Variants in FAR1 observed in about 807,000 individuals in gnomAD.
FAR1 encodes male sterility domain-containing protein 2.
FAR1 carries 22 observed loss-of-function variants against 61.1 expected under a neutral mutation model. That is an observed-to-expected ratio of 0.36 (90% CI 0.26 to 0.51). The LOEUF (loss-of-function observed/expected upper bound fraction) is 0.51. FAR1 is among the 20% of genes least tolerant of loss of function. The pLI is 0.95. For missense variants in FAR1, 359 were observed against 626.9 expected (o/e 0.57, Z 4.56); for synonymous variants, 206 against 209.7 (o/e 0.98, Z 0.15).
rs1245140292 is a variant in FAR1 at position 13,714,510 on chromosome 11, G to A, written c.957G>A (p.Glu319=). The change falls in exon 9 of 12, where the codon GAG becomes GAA. Residue 319 remains glutamate, a splice_region_variant and synonymous_variant. Coordinates refer to ENST00000354817, the MANE Select transcript of FAR1 (RefSeq NM_032228.6). The part of the protein sequence containing the change: ...STNPFHWGEV[E]YHVISTFKRN... Reference sequence around the variant, plus strand: ...TGTTACACAACTTTTCTTCTTCAGAGTACCATGTAATTTCCACTTTCAAGA... The same window carrying A: ...TGTTACACAACTTTTCTTCTTCAGAATACCATGTAATTTCCACTTTCAAGA... 6.2e-7 allele frequency: 1 copy of A among 1,607,684 alleles called. No homozygotes were observed. The highest frequency in any genetic ancestry group is 1.1e-5 in the South Asian group (1 of 90,168).
At chr11:13,694,252 C>CGTAGTAGAAA (rs1429466169) in intron 1 of FAR1, among the ~76,000 whole-genome samples, 16 of 152,058 alleles carry the variant, frequency 1.1e-4, no homozygotes, top group Non-Finnish European at 5.9e-5. Flanking sequence ...CTAAGAGACA[C>CGTAGTAGAAA]GTAGTAGAAA....
chr11:13,713,182 A>G (rs754929978), intron 8 of FAR1, 149 bp downstream of exon 8: 22 of 704,604 alleles, frequency 3.1e-5, no homozygotes, highest in African/African-American at 1.1e-4. Context: ...TTATCTACCA[A>G]TACTACCTTG....
chr11:13,726,850 A>AT (rs568487891), intron 10 of FAR1, among the ~76,000 whole-genome samples: 4 of 151,116 alleles, frequency 2.6e-5, no homozygotes, highest in Admixed American at 6.6e-5. Context: ...ATTTTACTGA[A>AT]TTTTTTATAG....
intron 1 of FAR1, among the ~76,000 whole-genome samples, chr11:13,684,928 C>T (rs1296761793): frequency 1.3e-5 from 2 of 152,070 alleles, no homozygotes; most frequent in African/African-American, 2.4e-5. Context: ...TAGTCTTAAG[C>T]AAGACCGCAA....
intron 11 of FAR1, 52 bp from the exon 12 acceptor site, chr11:13,728,560 A>G (rs1848689839): frequency 2.0e-6 from 3 of 1,513,518 alleles, no homozygotes; most frequent in African/African-American, 1.4e-5. Flanking sequence ...CCATCTAACA[A>G]TATTTTTTTC....
At chr11:13,678,893 G>T (rs183596311) in intron 1 of FAR1, among the ~76,000 whole-genome samples, 6 of 152,204 alleles carry the variant, frequency 3.9e-5, no homozygotes, top group Admixed American at 3.3e-4. Context: ...GATTCAGAAG[G>T]CAGCCATAAG....
intron 3 of FAR1, among the ~76,000 whole-genome samples, chr11:13,706,885 A>G (rs988190971): frequency 2.0e-5 from 3 of 152,106 alleles, no homozygotes; most frequent in Non-Finnish European, 4.4e-5. Flanking sequence ...GGTAGGTTTC[A>G]TTATTGTTCC....
In FAR1 at chr11:13,732,265, A is replaced by G. The variant is rs1041187589; in HGVS notation, c.*3491A>G. 2.0e-5 allele frequency: 3 copies of G among 152,176 alleles called. No individual in the cohort carries two copies. Among genetic ancestry groups the G allele is most frequent in the African/African-American group, 4.8e-5 (2 of 41,442 alleles). 9.4% of individuals were successfully genotyped at this position (152,176 alleles called of 1,614,324 possible). A position where few individuals can be genotyped will look rare whatever the true frequency, so the allele number is the denominator to read the frequency against. On this transcript the variant is annotated 3_prime_UTR_variant, in exon 12 of 12. Coordinates refer to ENST00000354817, the MANE Select transcript of FAR1 (RefSeq NM_032228.6). ...TTGCTATCCTTAAGATCCTAAACAA[A>G]TCATCTTTGTCAGTTAAGTATAGTT...
intron 4 of FAR1, among the ~76,000 whole-genome samples, chr11:13,709,298 A>C (rs1848473205): frequency 6.6e-6 from 1 of 152,144 alleles, no homozygotes; most frequent in Admixed American, 6.5e-5. Flanking sequence ...TAATTCCCTA[A>C]TTTCTATTTT....
intron 1 of FAR1, among the ~76,000 whole-genome samples, chr11:13,686,077 C>T (rs576541429): frequency 6.6e-6 from 1 of 152,286 alleles, no homozygotes; most frequent in Admixed American, 6.5e-5. Flanking sequence ...CTTTATGTGC[C>T]TTCTCTAAAA....
rs1350651629 is a variant in FAR1 at position 13,728,960 on chromosome 11, T to G, written c.*186T>G. 1 of 527,700 alleles carries G rather than the reference T, an allele frequency of 1.9e-6. No individual in the cohort carries two copies. Among genetic ancestry groups the G allele is most frequent in the Non-Finnish European group, 3.3e-6 (1 of 304,232 alleles). The allele number at this position is 527,700 out of a possible 1,614,324, so 32.7% of individuals were successfully genotyped here. ...TGCTCATAAAACTTAGTGAACACAC[T>G]GTGTTATGCCAGCTCAAATCTACAG... is the stretch of plus-strand genomic sequence containing the variant. On this transcript the variant is annotated 3_prime_UTR_variant, in exon 12 of 12. Coordinates refer to ENST00000354817, the MANE Select transcript of FAR1 (RefSeq NM_032228.6).
At chr11:13,691,236 A>G (rs1243543241) in intron 1 of FAR1, among the ~76,000 whole-genome samples, 1 of 152,232 alleles carries the variant, frequency 6.6e-6, no homozygotes, top group Non-Finnish European at 1.5e-5. Context: ...GAAAAGCAAG[A>G]GAGCAAACTA....
chr11:13,677,831 A>G (rs1211455581), intron 1 of FAR1, among the ~76,000 whole-genome samples: 1 of 152,256 alleles, frequency 6.6e-6, no homozygotes, highest in Non-Finnish European at 1.5e-5. Flanking sequence ...TCCTAATTGA[A>G]TCACAAAAAA....
At chr11:13,671,844 C>G (rs1402237991) in intron 1 of FAR1, among the ~76,000 whole-genome samples, 4 of 152,022 alleles carry the variant, frequency 2.6e-5, no homozygotes, top group Non-Finnish European at 5.9e-5. Flanking sequence ...GCTGGGTGTT[C>G]AATATTGACA....
At chr11:13,692,630 A>G (rs2134178385) in intron 1 of FAR1, among the ~76,000 whole-genome samples, 1 of 152,326 alleles carries the variant, frequency 6.6e-6, no homozygotes, top group African/African-American at 2.4e-5. Flanking sequence ...TTATTGGTAT[A>G]CAGAAATACA....
Position 13,727,785 on chromosome 11 carries a change from A to G in FAR1, c.1385+102A>G, listed in dbSNP as rs1301790961. On this transcript the variant is annotated intron_variant, in intron 11 of 11. Transcript: ENST00000354817. Reference sequence around the variant, plus strand: ...TATTTGCTATATCTGTCATTCAAAGATGCAGATAATTTTTAATGGTAATCT... The same window carrying G: ...TATTTGCTATATCTGTCATTCAAAGGTGCAGATAATTTTTAATGGTAATCT... 5.5e-6 allele frequency: 6 copies of G among 1,094,438 alleles called. No homozygotes were observed. The Admixed American group carries it at 1.0e-4, about 19-fold the overall frequency. The allele number at this position is 1,094,438 out of a possible 1,614,324, so 67.8% of individuals were successfully genotyped here. A position where few individuals can be genotyped will look rare whatever the true frequency, so the allele number is the denominator to read the frequency against.
At chr11:13,689,199 A>G (rs190390444) in intron 1 of FAR1, among the ~76,000 whole-genome samples, 115 of 152,328 alleles carry the variant, frequency 7.5e-4, no homozygotes, top group African/African-American at 2.6e-3. Flanking sequence ...AAATTCAGAA[A>G]GTCCATATAT....
At chr11:13,681,319 A>G (rs1156858659) in intron 1 of FAR1, among the ~76,000 whole-genome samples, 1 of 152,228 alleles carries the variant, frequency 6.6e-6, no homozygotes, top group Non-Finnish European at 1.5e-5. Context: ...GGTGGTTGAC[A>G]GTCTCAAGAG....
At position 13,729,015 on chromosome 11, in the gene FAR1, G is replaced by C; in HGVS notation, c.*241G>C. ...CACCAAAACCATGACTTAATATTTT[G>C]AGCCCTAGAAGAAAGGGGTGTGCTG... On this transcript the variant is annotated 3_prime_UTR_variant, in exon 12 of 12. Transcript: ENST00000354817. 2.8e-6 allele frequency: 1 copy of C among 352,802 alleles called. No individual in the cohort carries two copies. The highest frequency in any genetic ancestry group is 5.3e-6 in the Non-Finnish European group (1 of 189,522). The allele number at this position is 352,802 out of a possible 1,614,324, so 21.9% of individuals were successfully genotyped here.
Sources: allele counts gnomAD v4.1 joint callset (sites outside exome capture counted in the v4.1 genomes callset), GRCh38; gene constraint gnomAD v4.1.1; transcripts MANE v1.5; gene names NCBI Gene and HGNC (gene_info 2026-07-23, HGNC 2026-07-21).